The following IPCEF1 variants were observed in gnomAD, a reference collection of about 807,000 sequenced individuals.
IPCEF1 encodes the protein interaction protein for cytohesin exchange factors 1.
Under a neutral mutation model 50.9 loss-of-function variants are expected in IPCEF1, and 31 were observed. That is an observed-to-expected ratio of 0.61 (90% confidence interval 0.46 to 0.82). The LOEUF (loss-of-function observed/expected upper bound fraction) is 0.82, where lower values mean the gene tolerates loss of function less well. IPCEF1 is among the 40% of genes least tolerant of loss of function. The pLI, the probability that IPCEF1 is intolerant of heterozygous loss-of-function variation, is 0.00. For missense variants in IPCEF1, 458 were observed against 514.0 expected (o/e 0.89, Z 1.05); for synonymous variants, 181 against 192.0 (o/e 0.94, Z 0.47).
At chr6:154,331,263 A>G (rs1372365914) in intron 1 of IPCEF1, among the ~76,000 whole-genome samples, 3 of 151,706 alleles carry the variant, frequency 2.0e-5, no homozygotes, top group African/African-American at 7.3e-5. Flanking sequence ...GTGAGACTCT[A>G]AAAATAAATA....
At chr6:154,230,955 A>G (rs866875878) in intron 5 of IPCEF1, among the ~76,000 whole-genome samples, 14 of 152,326 alleles carry the variant, frequency 9.2e-5, no homozygotes, top group African/African-American at 2.2e-4. Context: ...TTGAAATTAC[A>G]TTGAGCAAAT....
intron 1 of IPCEF1, among the ~76,000 whole-genome samples, chr6:154,329,364 A>G (rs148109297): frequency 0.021 from 3,220 of 152,246 alleles, 60 homozygotes; most frequent in Non-Finnish European, 0.032. Flanking sequence ...GGGAGGCTGA[A>G]GCAGGAAGAT....
intron 8 of IPCEF1, 65 bp downstream of exon 8, chr6:154,214,153 T>C (rs1369566469): frequency 9.6e-7 from 1 of 1,039,076 alleles, no homozygotes; most frequent in Non-Finnish European, 1.5e-6. Flanking sequence ...ACATTGTTTT[T>C]TCACCCTGTT....
rs1169895715 is a variant in IPCEF1 at position 154,154,766 on chromosome 6, A to G, written c.*5062T>C. 1 of 152,564 alleles carries G rather than the reference A, an allele frequency of 6.6e-6. No individual in the cohort carries two copies. The highest frequency in any genetic ancestry group is 1.5e-5 in the Non-Finnish European group (1 of 68,022). 9.5% of individuals were successfully genotyped at this position (152,564 alleles called of 1,614,324 possible). ...TATCTTACAAGTCAACCTCAAAAAC[A>G]TAAAGCAGGAGAGAAATGAGCCATG... On this transcript the variant is annotated 3_prime_UTR_variant, in exon 12 of 12. Transcript: ENST00000367220.
chr6:154,283,731 A>G (rs571172135), intron 2 of IPCEF1, among the ~76,000 whole-genome samples: 2 of 152,356 alleles, frequency 1.3e-5, no homozygotes, highest in South Asian at 4.1e-4. Flanking sequence ...TAGATTTCTC[A>G]TGCAAGTTGA....
In IPCEF1 at chr6:154,356,663, GTTAC is replaced by G. The variant is rs1214635544; in HGVS notation, c.-62+5_-62+8del. 6.6e-6 allele frequency: 1 copy of G among 152,168 alleles called. No homozygotes were observed. The highest frequency in any genetic ancestry group is 1.5e-5 in the Non-Finnish European group (1 of 68,064). The allele number at this position is 152,168 out of a possible 1,614,324, so 9.4% of individuals were successfully genotyped here. ...TCTCATACATCAGCCAAGAAGTGAC[GTTAC>G]TTACATGCAATACAAAGAGAGTAAA... On this transcript the variant is annotated splice_donor_5th_base_variant and intron_variant, in intron 1 of 11. Coordinates refer to ENST00000367220, the MANE Select transcript of IPCEF1 (RefSeq NM_001130700.2).
chr6:154,228,625 T>G (rs1470338543), intron 5 of IPCEF1, among the ~76,000 whole-genome samples: 1 of 152,206 alleles, frequency 6.6e-6, no homozygotes, highest in Non-Finnish European at 1.5e-5. Flanking sequence ...AATACATATT[T>G]TTATGAAAAT....
intron 1 of IPCEF1, among the ~76,000 whole-genome samples, chr6:154,313,557 A>G (rs1340652413): frequency 6.6e-6 from 1 of 152,186 alleles, no homozygotes; most frequent in Non-Finnish European, 1.5e-5. Context: ...TGACTTTATT[A>G]AAGAAAGATG....
At chr6:154,347,803 A>G (rs899080703) in intron 1 of IPCEF1, among the ~76,000 whole-genome samples, 1 of 152,194 alleles carries the variant, frequency 6.6e-6, no homozygotes, top group East Asian at 1.9e-4. Context: ...CTCCACAATG[A>G]TAGGAAACGT....
At chr6:154,250,165 A>G (rs558093203) in intron 3 of IPCEF1, among the ~76,000 whole-genome samples, 43 of 152,202 alleles carry the variant, frequency 2.8e-4, no homozygotes, top group African/African-American at 1.0e-3. Context: ...TGCATCTAAG[A>G]TAGATTTTAC....
intron 3 of IPCEF1, among the ~76,000 whole-genome samples, chr6:154,252,698 A>C (rs1403021672): frequency 6.6e-6 from 1 of 152,162 alleles, no homozygotes; most frequent in Non-Finnish European, 1.5e-5. Flanking sequence ...AAAGAAAAGA[A>C]AAAACGAAGG....
intron 1 of IPCEF1, among the ~76,000 whole-genome samples, chr6:154,320,708 C>T (rs184671117): frequency 2.6e-5 from 4 of 152,082 alleles, no homozygotes; most frequent in Non-Finnish European, 5.9e-5. Context: ...ATTTCCCAAA[C>T]AAAACTGTAT....
chr6:154,223,074 C>G, intron 6 of IPCEF1, 96 bp downstream of exon 6: 1 of 960,426 alleles, frequency 1.0e-6, no homozygotes, highest in Non-Finnish European at 1.7e-6. Flanking sequence ...TCCGATGTTA[C>G]CTTCACTCAC....
At chr6:154,191,005 G>A (rs190993768) in intron 10 of IPCEF1, among the ~76,000 whole-genome samples, 28 of 152,152 alleles carry the variant, frequency 1.8e-4, no homozygotes, top group African/African-American at 4.3e-4. Flanking sequence ...TCACTGAGCC[G>A]AGATCGCGCC....
intron 5 of IPCEF1, among the ~76,000 whole-genome samples, chr6:154,234,667 C>T (rs1434716004): frequency 6.6e-6 from 1 of 152,148 alleles, no homozygotes; most frequent in Non-Finnish European, 1.5e-5. Context: ...TTGTAAGTCA[C>T]CTCTTCTAGC....
chr6:154,303,812 A>T (rs1055177185), intron 1 of IPCEF1, among the ~76,000 whole-genome samples: 2 of 152,176 alleles, frequency 1.3e-5, no homozygotes, highest in Non-Finnish European at 2.9e-5. Context: ...CCCTAATTAC[A>T]TGCGAGGCTG....
chr6:154,260,678 G>A (rs1248603087), intron 3 of IPCEF1, among the ~76,000 whole-genome samples: 1 of 151,880 alleles, frequency 6.6e-6, no homozygotes, highest in African/African-American at 2.4e-5. Context: ...TCATCATGTT[G>A]GCCAGGATGG....
intron 5 of IPCEF1, among the ~76,000 whole-genome samples, chr6:154,231,789 G>C (rs77036836): frequency 0.025 from 3,770 of 152,294 alleles, 78 homozygotes; most frequent in Non-Finnish European, 0.038. Context: ...GTTGTAACTT[G>C]TTACAGGTTT....
chr6:154,303,008 T>C (rs933479969), intron 1 of IPCEF1, among the ~76,000 whole-genome samples: 1 of 152,128 alleles, frequency 6.6e-6, no homozygotes, highest in African/African-American at 2.4e-5. Flanking sequence ...TGAGGCAATG[T>C]TGACCAGCAA....
Sources: gnomAD v4.1 joint callset for allele counts (sites outside exome capture counted in the v4.1 genomes callset) on GRCh38, gnomAD v4.1.1 for gene constraint, MANE v1.5 for transcripts, NCBI Gene and HGNC (gene_info 2026-07-23, HGNC 2026-07-21) for gene names.